The following NRCAM variants were observed in gnomAD, a reference collection of about 807,000 sequenced individuals.
NRCAM encodes neuronal cell adhesion molecule.
A neutral mutation model predicts 156.5 loss-of-function variants in NRCAM; 83 were observed. The ratio of observed to expected loss-of-function variants is 0.53; its 90% CI spans 0.44 to 0.64. The LOEUF is 0.64. Ranked by LOEUF, NRCAM falls within the 30% of genes least tolerant of loss-of-function variation. The probability of loss-of-function intolerance (pLI) is 0.00; values close to 1 mark genes in which losing one functional copy is unlikely to be tolerated. For missense variants in NRCAM, 1,417 were observed against 1,597.3 expected (o/e 0.89, Z 1.92); for synonymous variants, 538 against 563.9 (o/e 0.95, Z 0.65).
At chr7:108,159,607 A>C (rs2047613775) in intron 31 of NRCAM, 66 bp from the exon 32 acceptor site, 1 of 1,263,752 alleles carries the variant, frequency 7.9e-7, no homozygotes, top group Admixed American at 1.7e-5. Context: ...AGTCCATGAA[A>C]GCATTCTTTG....
At chr7:108,207,897 A>T (rs954733675) in intron 12 of NRCAM, among the ~76,000 whole-genome samples, 1 of 152,150 alleles carries the variant, frequency 6.6e-6, no homozygotes, top group Non-Finnish European at 1.5e-5. Flanking sequence ...TACAAATTTC[A>T]TTTTCTCATT....
intron 3 of NRCAM, among the ~76,000 whole-genome samples, chr7:108,280,243 G>T (rs1269674): frequency 0.89 from 135,334 of 152,288 alleles, 60,255 homozygotes; most frequent in African/African-American, 0.92. Flanking sequence ...ACTTAGAAGC[G>T]CTAGCAATTC....
At chr7:108,444,938 C>A (rs1842689344) in intron 1 of NRCAM, among the ~76,000 whole-genome samples, 1 of 152,164 alleles carries the variant, frequency 6.6e-6, no homozygotes, top group South Asian at 2.1e-4. Context: ...CACTGAGGTG[C>A]AGAGGAACAG....
intron 3 of NRCAM, among the ~76,000 whole-genome samples, chr7:108,308,104 C>T (rs1471260337): frequency 6.6e-6 from 1 of 152,180 alleles, no homozygotes; most frequent in Non-Finnish European, 1.5e-5. Flanking sequence ...AAGATCCTAA[C>T]TCAATGAATA....
intron 3 of NRCAM, among the ~76,000 whole-genome samples, chr7:108,259,332 G>A (rs981197611): frequency 3.3e-5 from 5 of 152,178 alleles, no homozygotes; most frequent in African/African-American, 1.2e-4. Flanking sequence ...AAAAATCAAA[G>A]TCAAGTAACA....
intron 2 of NRCAM, among the ~76,000 whole-genome samples, chr7:108,381,209 T>G (rs1256615677): frequency 2.6e-5 from 4 of 152,202 alleles, no homozygotes; most frequent in Non-Finnish European, 5.9e-5. Context: ...TAATAATCAT[T>G]TGCCTGTGTT....
chr7:108,167,668 T>C (rs554359172), intron 29 of NRCAM, among the ~76,000 whole-genome samples: 32 of 152,314 alleles, frequency 2.1e-4, no homozygotes, highest in Admixed American at 7.8e-4. Context: ...ATTTGTTCTA[T>C]GTAAGCACAC....
At chr7:108,201,171 G>A (rs2077848057) in intron 13 of NRCAM, among the ~76,000 whole-genome samples, 1 of 140,496 alleles carries the variant, frequency 7.1e-6, no homozygotes, top group African/African-American at 2.9e-5. Flanking sequence ...AATTTTTAAG[G>A]TCGGTAAAAA....
At chr7:108,207,786 C>A in intron 12 of NRCAM, 127 bp from the exon 13 acceptor site, 1 of 653,902 alleles carries the variant, frequency 1.5e-6, no homozygotes, top group South Asian at 2.9e-5. Context: ...TTTTTTTGAG[C>A]GAATAGATTT....
At chr7:108,440,266 T>C (rs1837100607) in intron 1 of NRCAM, among the ~76,000 whole-genome samples, 1 of 152,174 alleles carries the variant, frequency 6.6e-6, no homozygotes, top group South Asian at 2.1e-4. Context: ...TATGGTTCCA[T>C]TAATATGAAA....
chr7:108,429,484 G>A (rs1007859958), intron 1 of NRCAM, among the ~76,000 whole-genome samples: 1 of 152,112 alleles, frequency 6.6e-6, no homozygotes, highest in Non-Finnish European at 1.5e-5. Flanking sequence ...GAGCCATTGC[G>A]CCCAGCCCGG....
At chr7:108,430,454 G>A (rs1229946123) in intron 1 of NRCAM, among the ~76,000 whole-genome samples, 1 of 152,070 alleles carries the variant, frequency 6.6e-6, no homozygotes. Flanking sequence ...TTAGATGTAG[G>A]GTATGGAAGA....
intron 2 of NRCAM, among the ~76,000 whole-genome samples, chr7:108,348,284 A>C (rs2099384628): frequency 6.6e-6 from 1 of 152,130 alleles, no homozygotes; most frequent in Non-Finnish European, 1.5e-5. Flanking sequence ...TAAATTTCAG[A>C]GGAGGGGCAG....
Position 108,181,907 on chromosome 7 carries a change from A to G in NRCAM, c.2561T>C (p.Val854Ala), listed in dbSNP as rs140960250. The stretch of plus-strand genomic sequence containing the variant: ...GGCTAAGGTACTGTTCACCACATTC[A>G]CACGCACGTTCCCAGGAGCCACCAT... Reference protein sequence around the residue: ...LPMVAPGNVRVNVVNSTLAEV... With the variant: ...LPMVAPGNVRANVVNSTLAEV... The change falls in exon 24 of 33, where the codon GTG becomes GCG. Residue 854 changes from valine to alanine, a missense_variant. By Grantham distance (64) the Val-to-Ala change is moderately conservative. Around this residue, in one of 2 missense-constraint regions of NRCAM, gnomAD observed 1,238 missense variants for 1,336.4 expected, o/e 0.93. Transcript: ENST00000379028. 1,459 of 1,613,982 alleles carry G rather than the reference A, an allele frequency of 9.0e-4. 2 individuals are homozygous for G. Among genetic ancestry groups the G allele is most frequent in the Non-Finnish European group, 1.1e-3 (1,351 of 1,179,988 alleles).
chr7:108,225,271 G>T (rs907052016), intron 10 of NRCAM, among the ~76,000 whole-genome samples: 2 of 152,162 alleles, frequency 1.3e-5, no homozygotes, highest in Admixed American at 1.3e-4. Context: ...GCTTTGATGA[G>T]TCAGTATTCT....
chr7:108,270,008 T>C (rs908527344), intron 3 of NRCAM, among the ~76,000 whole-genome samples: 1 of 152,226 alleles, frequency 6.6e-6, no homozygotes, highest in Admixed American at 6.5e-5. Context: ...TTCCTTTGTG[T>C]TCATTAGAGT....
At chr7:108,278,969 G>GA (rs1187541425) in intron 3 of NRCAM, among the ~76,000 whole-genome samples, 1 of 152,182 alleles carries the variant, frequency 6.6e-6, no homozygotes, top group Non-Finnish European at 1.5e-5. Context: ...TTTTACAGAT[G>GA]AAAAAACTGA....
intron 2 of NRCAM, among the ~76,000 whole-genome samples, chr7:108,369,353 A>G (rs187878713): frequency 2.6e-3 from 393 of 152,248 alleles, no homozygotes; most frequent in Middle Eastern, 3.4e-3. Context: ...TATATAGAAT[A>G]AATTACTGAT....
At chr7:108,348,582 G>T (rs546858340) in intron 2 of NRCAM, among the ~76,000 whole-genome samples, 13 of 151,944 alleles carry the variant, frequency 8.6e-5, no homozygotes, top group Admixed American at 3.3e-4. Flanking sequence ...AGGGGGAAAG[G>T]CTCCCTGGGC....
Sources: allele counts gnomAD v4.1 joint callset (sites outside exome capture counted in the v4.1 genomes callset), GRCh38; gene constraint gnomAD v4.1.1; regional missense constraint gnomAD v4.1.1; transcripts MANE v1.5; gene names NCBI Gene and HGNC (gene_info 2026-07-23, HGNC 2026-07-21).